UGP2: variants seen among roughly 807,000 people sequenced by gnomAD.
UGP2 encodes the protein UDP-glucose pyrophosphorylase 2.
UGP2 carries 40 observed loss-of-function variants against 49.0 expected under a neutral mutation model. The observed-to-expected ratio is 0.82, with a 90% CI of 0.63 to 1.06. The LOEUF (loss-of-function observed/expected upper bound fraction) is 1.06. Ranked by LOEUF, UGP2 falls within the 50% of genes least tolerant of loss-of-function variation. The pLI is 0.00. For synonymous variants in UGP2, 225 were observed against 213.0 expected (o/e 1.06, Z -0.49); for missense variants, 460 against 603.5 (o/e 0.76, Z 2.49).
intron 1 of UGP2, among the ~76,000 whole-genome samples, chr2:63,853,924 A>G (rs1257032194): frequency 6.6e-6 from 1 of 152,208 alleles, no homozygotes; most frequent in Non-Finnish European, 1.5e-5. Context: ...TAAAGTGTCT[A>G]GTAAGTCCAG....
intron 3 of UGP2, among the ~76,000 whole-genome samples, chr2:63,869,949 G>GTCTC (rs1670438650): frequency 1.4e-5 from 2 of 142,784 alleles, no homozygotes; most frequent in African/African-American, 5.1e-5. Context: ...TTGAGACAGA[G>GTCTC]TCTCGCTCTG....
In UGP2 at chr2:63,853,689, TATCC is replaced by T. The variant is rs1170634415; in HGVS notation, c.20-2616_20-2613del. ...CAGGGTGTCAGGGAAGGGTATTATG[TATCC>T]CTCTTACTTGCTGAAATACATGAAA... On this transcript the variant is annotated intron_variant, in intron 1 of 9. Coordinates refer to ENST00000337130, the MANE Select transcript of UGP2 (RefSeq NM_006759.4). Among the ~76,000 whole-genome samples the T allele has an allele frequency of 2.6e-3, 393 of 152,306 alleles. 2 individuals are homozygous for T. Among genetic ancestry groups the T allele is most frequent in the African/African-American group, 9.1e-3 (377 of 41,554 alleles).
At chr2:63,887,688 GTAATTA>G (rs1558964722) in intron 8 of UGP2, 44 bp downstream of exon 8, 1 of 1,602,144 alleles carries the variant, frequency 6.2e-7, no homozygotes, top group African/African-American at 1.3e-5. Flanking sequence ...TCTTAAATGT[GTAATTA>G]TAAAGATATG....
At chr2:63,861,510 C>A (rs1002580292) in intron 3 of UGP2, among the ~76,000 whole-genome samples, 3 of 150,518 alleles carry the variant, frequency 2.0e-5, no homozygotes, top group Non-Finnish European at 3.0e-5. Context: ...GCAACATAGA[C>A]CTCACCTCTA....
chr2:63,890,485 T>G (rs144922835), intron 9 of UGP2, among the ~76,000 whole-genome samples: 2 of 152,188 alleles, frequency 1.3e-5, no homozygotes, highest in African/African-American at 2.4e-5. Flanking sequence ...TCAGGTACTC[T>G]TCAGTGTCAT....
At chr2:63,864,672 A>C (rs538740252) in intron 3 of UGP2, among the ~76,000 whole-genome samples, 83 of 152,322 alleles carry the variant, frequency 5.4e-4, no homozygotes, top group African/African-American at 1.8e-3. Context: ...TGTATTGTAG[A>C]ACACCCACCA....
chr2:63,881,652 T>C (rs1671323548), intron 3 of UGP2, among the ~76,000 whole-genome samples: 1 of 152,246 alleles, frequency 6.6e-6, no homozygotes, highest in Non-Finnish European at 1.5e-5. Context: ...TCTGGGCCTC[T>C]GCTGTAAGTT....
chr2:63,846,677 A>C (rs1230679341), intron 1 of UGP2, among the ~76,000 whole-genome samples: 1 of 152,192 alleles, frequency 6.6e-6, no homozygotes, highest in Non-Finnish European at 1.5e-5. Flanking sequence ...TTACTGAGCT[A>C]ATTATAACTG....
At chr2:63,855,518 C>CTTT in intron 1 of UGP2, 9 of 175,078 alleles carry the variant, frequency 5.1e-5, no homozygotes, top group Admixed American at 1.1e-4. Flanking sequence ...GTTTCTTTTT[C>CTTT]TGTTTTTTTT....
chr2:63,849,117 A>G (rs1477485411), intron 1 of UGP2, among the ~76,000 whole-genome samples: 1 of 152,206 alleles, frequency 6.6e-6, no homozygotes, highest in Non-Finnish European at 1.5e-5. Context: ...AATCAAGAGA[A>G]TTGTTTCTTT....
intron 3 of UGP2, among the ~76,000 whole-genome samples, chr2:63,863,103 C>A (rs1181566722): frequency 6.6e-6 from 1 of 152,132 alleles, no homozygotes; most frequent in Non-Finnish European, 1.5e-5. Context: ...CTTCAGCTGA[C>A]TTCTATAAAA....
intron 3 of UGP2, among the ~76,000 whole-genome samples, chr2:63,858,778 ATGT>A (rs988804397): frequency 6.6e-6 from 1 of 152,006 alleles, no homozygotes; most frequent in African/African-American, 2.4e-5. Context: ...CTGGATAGGT[ATGT>A]TGTTTAAGAA....
Position 63,855,294 on chromosome 2 carries a change from TA to T in UGP2, c.20-1007del, listed in dbSNP as rs1167664172. ...ATTCTGCTAAATTAACAGGCATTTG[TA>T]AAAATAACTAGTTATCAAACTATTT... On this transcript the variant is annotated intron_variant, in intron 1 of 9. Transcript: ENST00000337130. The T allele has an allele frequency of 3.1e-5, 11 of 349,482 alleles. No individual in the cohort carries two copies. The East Asian group carries it at 9.1e-4, about 29-fold the overall frequency. The allele number at this position is 349,482 out of a possible 1,614,324, so 21.6% of individuals were successfully genotyped here. A position where few individuals can be genotyped will look rare whatever the true frequency, so the allele number is the denominator to read the frequency against.
chr2:63,867,409 A>G (rs908218206), intron 3 of UGP2, among the ~76,000 whole-genome samples: 1 of 152,212 alleles, frequency 6.6e-6, no homozygotes. Flanking sequence ...AAATAATAAA[A>G]GAACCTACTT....
chr2:63,874,072 TGACCA>T, intron 3 of UGP2, among the ~76,000 whole-genome samples: 1 of 152,314 alleles, frequency 6.6e-6, no homozygotes, highest in African/African-American at 2.4e-5. Flanking sequence ...TTAATCATAT[TGACCA>T]GAACTTTGGC....
intron 3 of UGP2, among the ~76,000 whole-genome samples, chr2:63,868,821 A>G (rs1221956648): frequency 6.6e-6 from 1 of 152,040 alleles, no homozygotes; most frequent in African/African-American, 2.4e-5. Flanking sequence ...TAAAAATACA[A>G]AAATTAGCCG....
In UGP2 at chr2:63,890,872, G is replaced by A. The variant is rs182211533; in HGVS notation, c.1420-248G>A. 9.9e-5 allele frequency among the ~76,000 whole-genome samples: 15 copies of A among 152,274 alleles called. No homozygotes were observed. In the East Asian group the frequency reaches 2.7e-3, roughly 27 times the overall value. Reference sequence around the variant, plus strand: ...GGGGCTGGCCATGCTGTGGCACCGGGTCCACTTCCCGCTCTTAGTTCTACC... The same window carrying A: ...GGGGCTGGCCATGCTGTGGCACCGGATCCACTTCCCGCTCTTAGTTCTACC... On this transcript the variant is annotated intron_variant, in intron 9 of 9. Coordinates refer to ENST00000337130, the MANE Select transcript of UGP2 (RefSeq NM_006759.4).
intron 2 of UGP2, 185 bp downstream of exon 2, chr2:63,856,618 C>A: frequency 1.6e-6 from 1 of 643,322 alleles, no homozygotes; most frequent in Non-Finnish European, 2.6e-6. Context: ...CTTTGTAAAT[C>A]CATTATCTTT....
intron 1 of UGP2, among the ~76,000 whole-genome samples, chr2:63,854,194 T>C: frequency 6.6e-6 from 1 of 152,214 alleles, no homozygotes; most frequent in Non-Finnish European, 1.5e-5. Context: ...TTCAACCTGT[T>C]TCCTCGTCTG....
Sources: gnomAD v4.1 joint callset for allele counts (sites outside exome capture counted in the v4.1 genomes callset) on GRCh38, gnomAD v4.1.1 for gene constraint, MANE v1.5 for transcripts, NCBI Gene and HGNC (gene_info 2026-07-23, HGNC 2026-07-21) for gene names.